The following AGBL3 variants were observed in gnomAD, a reference collection of about 807,000 sequenced individuals.
AGBL3 encodes AGBL carboxypeptidase 3.
A neutral mutation model predicts 94.5 loss-of-function variants in AGBL3; 68 were observed. The ratio of observed to expected loss-of-function variants is 0.72; its 90% CI spans 0.59 to 0.88. The LOEUF is 0.88. Ranked by LOEUF, AGBL3 falls within the 40% of genes least tolerant of loss-of-function variation. AGBL3 has a pLI of 0.00. For missense variants in AGBL3, 934 were observed against 1,103.8 expected, an observed-to-expected ratio of 0.85 and a Z score of 2.18; for synonymous variants, 354 against 370.7, an observed-to-expected ratio of 0.95 and a Z score of 0.52.
At chr7:135,022,917 ATTCT>A (rs748674299) in intron 5 of AGBL3, among the ~76,000 whole-genome samples, 11 of 151,992 alleles carry the variant, frequency 7.2e-5, no homozygotes, top group Non-Finnish European at 1.5e-4. Flanking sequence ...TTTCTTTTTA[ATTCT>A]TTGTCTGCCT....
intron 15 of AGBL3, among the ~76,000 whole-genome samples, chr7:135,085,168 C>G (rs1178776856): frequency 6.6e-6 from 1 of 152,100 alleles, no homozygotes; most frequent in Non-Finnish European, 1.5e-5. Context: ...CTATTCAGCT[C>G]ATTTGCCCAT....
chr7:135,134,023 A>G (rs1209075911), intron 16 of AGBL3, among the ~76,000 whole-genome samples: 1 of 152,182 alleles, frequency 6.6e-6, no homozygotes, highest in Admixed American at 6.6e-5. Context: ...TAAAATAACA[A>G]AATAATATAA....
chr7:135,051,865 G>A (rs904690520), intron 11 of AGBL3, among the ~76,000 whole-genome samples: 1 of 151,782 alleles, frequency 6.6e-6, no homozygotes, highest in Non-Finnish European at 1.5e-5. Context: ...ACATTTCTTT[G>A]TAATTCTTTT....
intron 12 of AGBL3, among the ~76,000 whole-genome samples, chr7:135,073,497 AATAAATAAATAAAT>A (rs1459340747): frequency 1.5e-4 from 21 of 140,688 alleles, no homozygotes; most frequent in African/African-American, 3.9e-4. Flanking sequence ...TAAATAAATA[AATAAATAAATAAAT>A]AAACCTTGCA....
chr7:135,047,835 A>G (rs1357842118), intron 11 of AGBL3, among the ~76,000 whole-genome samples: 2 of 151,542 alleles, frequency 1.3e-5, no homozygotes, highest in Admixed American at 1.3e-4. Context: ...TTTTCACTCT[A>G]TTGTTTCCTT....
In AGBL3 at chr7:135,034,796, T is replaced by C; in HGVS notation, c.1205T>C (p.Met402Thr). 1 of 1,552,480 alleles carries C rather than the reference T, an allele frequency of 6.4e-7. No homozygotes were observed. Among genetic ancestry groups the C allele is most frequent in the Non-Finnish European group, 8.7e-7 (1 of 1,147,372 alleles). Residue 402 changes from methionine to threonine, a missense_variant, in exon 7 of 17, where the codon ATG becomes ACG. Physicochemically the swap from Met to Thr is moderately conservative, Grantham distance 81. Transcript: ENST00000436302. ...RDTFVFKVVP[M>T]LNPDGVIVGN... The stretch of plus-strand genomic sequence containing the variant: ...ACTTTTGTCTTCAAGGTGGTACCCA[T>C]GCTCAATCCAGATGGTGTGATTGTG...
chr7:135,034,302 G>C lies in AGBL3; in HGVS notation c.711G>C (p.Arg237=). The part of the protein sequence containing the change: ...NFTKPASLYS[R]GMRPLFYSEK... ...CCAAACCTGCTAGTCTTTACAGTCG[G>C]GGTATGCGCCCACTGTTCTATTCTG... Residue 237 remains arginine, a synonymous_variant, in exon 7 of 17, where the codon CGG becomes CGC. Coordinates refer to ENST00000436302, the MANE Select transcript of AGBL3 (RefSeq NM_178563.4). The C allele has an allele frequency of 1.3e-6, 2 of 1,551,712 alleles. No homozygotes were observed. Among genetic ancestry groups the C allele is most frequent in the South Asian group, 2.4e-5 (2 of 84,054 alleles).
chr7:135,104,717 T>C lies in AGBL3; in HGVS notation c.2111-10663T>C, dbSNP rs180956395. On this transcript the variant is annotated intron_variant, in intron 15 of 16. Transcript: ENST00000436302. ...TTATTTCATATGCCTTTTGGCCACA[T>C]GTATGTCTTCTTTTGAAAAGTGTTC... Among the ~76,000 whole-genome samples the C allele has an allele frequency of 3.0e-4, 45 of 152,310 alleles. 1 individual carries two copies. In the East Asian group the frequency reaches 3.9e-3, roughly 13 times the overall value.
intron 4 of AGBL3, among the ~76,000 whole-genome samples, chr7:134,999,618 T>TTAA (rs1811459609): frequency 6.6e-6 from 1 of 152,202 alleles, no homozygotes; most frequent in South Asian, 2.1e-4. Context: ...ATGTCCTACT[T>TTAA]TAATGTGCCC....
intron 5 of AGBL3, among the ~76,000 whole-genome samples, chr7:135,021,013 A>T (rs955700997): frequency 6.6e-5 from 10 of 151,434 alleles, no homozygotes; most frequent in African/African-American, 2.4e-4. Context: ...CATATGTAAC[A>T]AACCTGCACG....
At chr7:135,086,825 C>G (rs1821374837) in intron 15 of AGBL3, among the ~76,000 whole-genome samples, 1 of 151,764 alleles carries the variant, frequency 6.6e-6, no homozygotes, top group African/African-American at 2.4e-5. Context: ...GTTGTTGCGT[C>G]CTTGTCTGGT....
chr7:135,033,213 T>C (rs1815957094), intron 6 of AGBL3, among the ~76,000 whole-genome samples: 2 of 152,348 alleles, frequency 1.3e-5, no homozygotes, highest in South Asian at 2.1e-4. Context: ...ACATTTTCAG[T>C]ATGGCAATAT....
chr7:135,093,298 C>T (rs1822141685), intron 15 of AGBL3: 1 of 151,894 alleles, frequency 6.6e-6, no homozygotes, highest in African/African-American at 2.4e-5. Context: ...GGAACACACA[C>T]ACACACATAC....
At position 135,043,626 on chromosome 7, in the gene AGBL3, TG is replaced by T. The variant is rs1252560571; in HGVS notation, c.1501-397del. ...CACAAAGGATAAATGCTTGAGGTGA[TG>T]GATACCCCATTTACTCTGATGTGAT... On this transcript the variant is annotated intron_variant, in intron 8 of 16. Transcript: ENST00000436302. Among the ~76,000 whole-genome samples the T allele has an allele frequency of 8.5e-5, 13 of 152,280 alleles. No homozygotes were observed. The East Asian group carries it at 2.3e-3, about 27-fold the overall frequency.
intron 14 of AGBL3, among the ~76,000 whole-genome samples, chr7:135,081,400 G>A (rs560395588): frequency 6.6e-6 from 1 of 152,084 alleles, no homozygotes; most frequent in South Asian, 2.1e-4. Context: ...GCCACCCCCA[G>A]TGTTAAACTT....
At chr7:135,096,609 ATAGATAGATAGATAGG>A (rs1188893145) in intron 15 of AGBL3, among the ~76,000 whole-genome samples, 1 of 142,502 alleles carries the variant, frequency 7.0e-6, no homozygotes, top group Non-Finnish European at 1.6e-5. Flanking sequence ...AGATAGATAG[ATAGATAGATAGATAGG>A]GCTATTCTTT....
At chr7:135,117,010 C>T (rs930425709) in intron 16 of AGBL3, among the ~76,000 whole-genome samples, 6 of 152,170 alleles carry the variant, frequency 3.9e-5, no homozygotes, top group Non-Finnish European at 7.4e-5. Context: ...TTCTTGAAGT[C>T]CTTAGCTAGC....
intron 15 of AGBL3, among the ~76,000 whole-genome samples, chr7:135,110,004 T>C (rs993239629): frequency 1.3e-5 from 2 of 152,126 alleles, no homozygotes; most frequent in South Asian, 2.1e-4. Context: ...CAAAGACCCA[T>C]GTGAAAAAGT....
chr7:135,008,589 G>A (rs994744502), intron 4 of AGBL3, among the ~76,000 whole-genome samples: 1 of 149,362 alleles, frequency 6.7e-6, no homozygotes, highest in African/African-American at 2.5e-5. Context: ...GGATTCTTAG[G>A]TATAATGCCA....
Sources: allele counts gnomAD v4.1 joint callset (sites outside exome capture counted in the v4.1 genomes callset), GRCh38; gene constraint gnomAD v4.1.1; transcripts MANE v1.5; gene names NCBI Gene and HGNC (gene_info 2026-07-23, HGNC 2026-07-21).